Variants in WDHD1 observed in about 807,000 individuals in gnomAD.
WDHD1 encodes the protein WD repeat and HMG-box DNA-binding protein 1.
In WDHD1, 111 loss-of-function variants were observed where a neutral mutation model predicts 135.4. That is an observed-to-expected ratio of 0.82 (90% CI 0.70 to 0.96). The LOEUF is 0.96. WDHD1 is among the 40% of genes least tolerant of loss of function. WDHD1 has a pLI of 0.00. For synonymous variants in WDHD1, 434 were observed against 439.0 expected, an observed-to-expected ratio of 0.99 and a Z score of 0.14; for missense variants, 1,351 against 1,336.3, an observed-to-expected ratio of 1.01 and a Z score of -0.17.
In WDHD1 at chr14:54,967,530, T is replaced by C. The variant is rs763002038; in HGVS notation, c.2064-136A>G. The C allele has an allele frequency of 3.0e-4, 162 of 548,546 alleles. 1 individual carries two copies. In the Middle Eastern group the frequency reaches 8.3e-3, roughly 28 times the overall value. The allele number at this position is 548,546 out of a possible 1,614,324, so 34.0% of individuals were successfully genotyped here. ...CTGCCTTAATCATATATAACAAATATCTCTTTTTAAAAAAGTGTTTTAGGC... is the reference window on the plus strand; with the variant it reads ...CTGCCTTAATCATATATAACAAATACCTCTTTTTAAAAAAGTGTTTTAGGC... On this transcript the variant is annotated intron_variant, in intron 16 of 25. Coordinates refer to ENST00000360586, the MANE Select transcript of WDHD1 (RefSeq NM_007086.4).
At chr14:54,997,862 G>A (rs2041911014) in intron 10 of WDHD1, among the ~76,000 whole-genome samples, 1 of 147,720 alleles carries the variant, frequency 6.8e-6, no homozygotes, top group Non-Finnish European at 1.5e-5. Context: ...AGTGAGCCGA[G>A]ATCGCGCCAT....
rs751353706 is a variant in WDHD1 at position 54,967,241 on chromosome 14, T to C, written c.2178+39A>G. The C allele has an allele frequency of 2.7e-6, 4 of 1,467,982 alleles. No homozygotes were observed. The East Asian group carries it at 6.9e-5, about 25-fold the overall frequency. 90.9% of individuals were successfully genotyped at this position (1,467,982 alleles called of 1,614,324 possible). A position where few individuals can be genotyped will look rare whatever the true frequency, so the allele number is the denominator to read the frequency against. On this transcript the variant is annotated intron_variant, in intron 17 of 25. Transcript: ENST00000360586. ...AAGTGTGTGTATCACAGGTGCTGTA[T>C]TATCAAATTCAAAGTGTCAAGGTAA...
chr14:55,020,995 A>G (rs1353999188), intron 2 of WDHD1, among the ~76,000 whole-genome samples: 1 of 152,160 alleles, frequency 6.6e-6, no homozygotes, highest in Non-Finnish European at 1.5e-5. Context: ...GCTGACGGGG[A>G]ACACGAAGAG....
chr14:54,986,143 GT>G (rs1294632670), intron 14 of WDHD1, among the ~76,000 whole-genome samples: 1 of 152,054 alleles, frequency 6.6e-6, no homozygotes, highest in Non-Finnish European at 1.5e-5. Flanking sequence ...CCCCAGGGTG[GT>G]TTCTCAAACT....
At chr14:55,005,432 GC>G (rs1345574186) in intron 7 of WDHD1, 1 of 569,524 alleles carries the variant, frequency 1.8e-6, no homozygotes, top group Non-Finnish European at 3.4e-6. Flanking sequence ...CTTCAGCATG[GC>G]CTTCGGACCA....
At chr14:55,009,828 T>C (rs2042136493) in intron 4 of WDHD1, among the ~76,000 whole-genome samples, 1 of 152,162 alleles carries the variant, frequency 6.6e-6, no homozygotes, top group East Asian at 1.9e-4. Context: ...CTTTCCTTTT[T>C]TTCTTTTTTT....
At position 55,007,373 on chromosome 14, in the gene WDHD1, T is replaced by C. The variant is rs781018444; in HGVS notation, c.507A>G (p.Thr169=). ...SVRVWQISDQ[T]CAISWPLLQK... ...GTAGCAGTGGCCAACTAATAGCACA[T>C]GTCTAATTGGTAAAAAAAGAAAATT... The change falls in exon 7 of 26, where the codon ACA becomes ACG. Residue 169 remains threonine, a splice_region_variant and synonymous_variant. Coordinates refer to ENST00000360586, the MANE Select transcript of WDHD1 (RefSeq NM_007086.4). 1 of 1,579,256 alleles carries C rather than the reference T, an allele frequency of 6.3e-7. No homozygotes were observed. Among genetic ancestry groups the C allele is most frequent in the South Asian group, 1.2e-5 (1 of 83,736 alleles).
At chr14:54,950,051 A>C (rs1434117653) in intron 24 of WDHD1, among the ~76,000 whole-genome samples, 1 of 152,254 alleles carries the variant, frequency 6.6e-6, no homozygotes, top group Non-Finnish European at 1.5e-5. Context: ...GCCAAATTGT[A>C]AAGACCATCA....
intron 10 of WDHD1, 103 bp downstream of exon 10, chr14:55,000,400 G>GA: frequency 8.1e-7 from 1 of 1,234,182 alleles, no homozygotes; most frequent in Non-Finnish European, 1.1e-6. Context: ...ATAGTAACAT[G>GA]AAAGGTAATT....
chr14:55,025,423 CTG>C (rs1217026386), intron 2 of WDHD1, among the ~76,000 whole-genome samples: 4 of 152,128 alleles, frequency 2.6e-5, no homozygotes, highest in African/African-American at 9.7e-5. Flanking sequence ...TACTTAGTCT[CTG>C]TGTCTTTTTC....
Position 55,004,643 on chromosome 14 carries a change from G to A in WDHD1, c.601-2458C>T, listed in dbSNP as rs562094229. ...AATTTCTATATTTTTAGTAGAGACAGGGTTTCGCCATGTTTCCCAGGCTGG... is the reference window on the plus strand; with the variant it reads ...AATTTCTATATTTTTAGTAGAGACAAGGTTTCGCCATGTTTCCCAGGCTGG... On this transcript the variant is annotated intron_variant, in intron 7 of 25. Coordinates refer to ENST00000360586, the MANE Select transcript of WDHD1 (RefSeq NM_007086.4). Among the ~76,000 whole-genome samples, 38 of 152,316 alleles carry A rather than the reference G, an allele frequency of 2.5e-4. 1 individual carries two copies. Among genetic ancestry groups the A allele is most frequent in the Admixed American group, 1.8e-3 (28 of 15,300 alleles).
In WDHD1 at chr14:55,008,735, G is replaced by A. The variant is rs778995580; in HGVS notation, c.342-16C>T. On this transcript the variant is annotated splice_polypyrimidine_tract_variant and intron_variant, in intron 4 of 25. Transcript: ENST00000360586. ...TAGAAAATCACTAAGAACAAAAAGA[G>A]TAACGCAAATGAATAAATGCTAACA... The A allele has an allele frequency of 6.4e-6, 10 of 1,561,866 alleles. No individual in the cohort carries two copies. The highest frequency in any genetic ancestry group is 8.8e-6 in the Non-Finnish European group (10 of 1,141,398).
At chr14:54,995,344 T>C (rs1043934407) in intron 11 of WDHD1, among the ~76,000 whole-genome samples, 1 of 148,536 alleles carries the variant, frequency 6.7e-6, no homozygotes, top group African/African-American at 2.5e-5. Flanking sequence ...TTTTCTGTTG[T>C]CAATTTTATT....
chr14:55,019,600 G>A (rs1347294212), intron 2 of WDHD1, among the ~76,000 whole-genome samples: 1 of 152,192 alleles, frequency 6.6e-6, no homozygotes, highest in African/African-American at 2.4e-5. Flanking sequence ...GGGGTGTGGT[G>A]GCTCATGCCT....
chr14:54,960,905 T>A (rs1286199443), intron 21 of WDHD1, among the ~76,000 whole-genome samples: 1 of 152,150 alleles, frequency 6.6e-6, no homozygotes, highest in South Asian at 2.1e-4. Flanking sequence ...GCTCAAGATA[T>A]CCTCCTGTCC....
chr14:55,010,094 C>T (rs557403128), intron 4 of WDHD1, among the ~76,000 whole-genome samples: 3 of 152,238 alleles, frequency 2.0e-5, no homozygotes, highest in Non-Finnish European at 4.4e-5. Flanking sequence ...GCTGGGATTA[C>T]AGGCGTGAGC....
At chr14:55,010,057 G>T (rs1399271699) in intron 4 of WDHD1, among the ~76,000 whole-genome samples, 1 of 152,144 alleles carries the variant, frequency 6.6e-6, no homozygotes, top group Non-Finnish European at 1.5e-5. Flanking sequence ...GAGCTCAGGT[G>T]ATCTGCCTGC....
intron 18 of WDHD1, among the ~76,000 whole-genome samples, 190 bp from the exon 19 acceptor site, chr14:54,963,362 G>A (rs2041288144): frequency 6.6e-6 from 1 of 151,948 alleles, no homozygotes; most frequent in African/African-American, 2.4e-5. Flanking sequence ...ATTAATGGTG[G>A]GTCAGTTTGG....
chr14:54,955,402 T>C (rs1278639448), intron 24 of WDHD1, among the ~76,000 whole-genome samples, 159 bp downstream of exon 24: 1 of 152,220 alleles, frequency 6.6e-6, no homozygotes, highest in Non-Finnish European at 1.5e-5. Context: ...TAGACATTAA[T>C]ATTTGTGGCT....
Sources: gnomAD v4.1 joint callset for allele counts (sites outside exome capture counted in the v4.1 genomes callset) on GRCh38, gnomAD v4.1.1 for gene constraint, MANE v1.5 for transcripts, NCBI Gene and HGNC (gene_info 2026-07-23, HGNC 2026-07-21) for gene names.